RAG1: variants seen among roughly 807,000 people sequenced by gnomAD.
RAG1 encodes recombination activating 1.
Under a neutral mutation model 62.7 loss-of-function variants are expected in RAG1, and 35 were observed. That is an observed-to-expected ratio of 0.56 (90% CI 0.43 to 0.74). The LOEUF is 0.74. RAG1 is among the 30% of genes least tolerant of loss of function. The pLI is 0.00. For synonymous variants in RAG1, 461 were observed against 470.3 expected, an observed-to-expected ratio of 0.98 and a Z score of 0.26; for missense variants, 1,169 against 1,278.6, an observed-to-expected ratio of 0.91 and a Z score of 1.31.
intron 1 of RAG1, among the ~76,000 whole-genome samples, chr11:36,571,687 C>A (rs1850747731): frequency 6.6e-6 from 1 of 152,014 alleles, no homozygotes; most frequent in Admixed American, 6.6e-5. Context: ...TGATCTTGGC[C>A]CACTGCAATC....
At chr11:36,569,937 C>T (rs1434120259) in intron 1 of RAG1, among the ~76,000 whole-genome samples, 1 of 152,150 alleles carries the variant, frequency 6.6e-6, no homozygotes, top group Non-Finnish European at 1.5e-5. Flanking sequence ...AGCATCTTTC[C>T]ATGTCACTGA....
chr11:36,548,753 A>C (rs961010504), intron 3 of RAG1, among the ~76,000 whole-genome samples: 1 of 152,208 alleles, frequency 6.6e-6, no homozygotes, highest in African/African-American at 2.4e-5. Flanking sequence ...GACTTTCTTC[A>C]CAGAATTGGA....
At chr11:36,520,601 A>G (rs115959617) in intron 2 of RAG1, among the ~76,000 whole-genome samples, 2 of 152,192 alleles carry the variant, frequency 1.3e-5, no homozygotes, top group Non-Finnish European at 2.9e-5. Flanking sequence ...AAATGTAGTG[A>G]TAACATATAT....
intron 2 of RAG1, among the ~76,000 whole-genome samples, chr11:36,529,492 C>T (rs1164915229): frequency 6.6e-6 from 1 of 152,160 alleles, no homozygotes; most frequent in Non-Finnish European, 1.5e-5. Flanking sequence ...TGGAACGTAT[C>T]TCAAAATAAT....
chr11:36,526,034 T>G (rs1180223398), intron 2 of RAG1, among the ~76,000 whole-genome samples: 1 of 152,190 alleles, frequency 6.6e-6, no homozygotes, highest in East Asian at 1.9e-4. Context: ...CTTGCATCCT[T>G]GAGATAAATG....
At chr11:36,536,781 C>T (rs549783082), downstream of RAG1, among the ~76,000 whole-genome samples, 786 of 151,100 alleles carry the variant, frequency 5.2e-3, 9 homozygotes, top group African/African-American at 0.018. Flanking sequence ...TTTTTTGAGA[C>T]GGAGTCTTGC....
At position 36,575,828 on chromosome 11, in the gene RAG1, A is replaced by G. The variant is rs1247320919; in HGVS notation, c.2524A>G (p.Lys842Glu). The G allele has an allele frequency of 9.3e-6, 15 of 1,614,224 alleles. No homozygotes were observed. The highest frequency in any genetic ancestry group is 1.3e-5 in the Non-Finnish European group (15 of 1,180,024). The change falls in exon 2 of 2, where the codon AAG becomes GAG. Residue 842 changes from lysine (K) to glutamate (E), a missense_variant. Physicochemically the swap from Lys to Glu is moderately conservative, Grantham distance 56. Transcript: ENST00000299440. This position sits in a 1 kb window ranked among gnomAD's most constrained non-coding sequence, Gnocchi z 4.1. The stretch of plus-strand genomic sequence containing the variant: ...GGCCACACTGGACAAGCATCTCCGG[A>G]AGAAGATGAACCTCAAACCAATCAT... The part of the protein sequence containing the change: ...WQATLDKHLR[K>E]KMNLKPIMRM...
At chr11:36,563,712 A>ATAATT (rs1850622714), upstream of RAG1, among the ~76,000 whole-genome samples, 1 of 152,218 alleles carries the variant, frequency 6.6e-6, no homozygotes, top group African/African-American at 2.4e-5. Context: ...TAGTTTAAAC[A>ATAATT]TAATTAAATT....
intron 2 of RAG1, among the ~76,000 whole-genome samples, chr11:36,521,148 G>A (rs369445317): frequency 9.2e-5 from 14 of 151,796 alleles, no homozygotes; most frequent in Admixed American, 5.2e-4. Flanking sequence ...TGGTAGAGAC[G>A]GGGTTTCTCC....
At chr11:36,569,372 C>A (rs981327688) in intron 1 of RAG1, among the ~76,000 whole-genome samples, 1 of 152,212 alleles carries the variant, frequency 6.6e-6, no homozygotes, top group Admixed American at 6.5e-5. Flanking sequence ...GGCTGGTCTA[C>A]TGCTGAGACC....
chr11:36,528,563 C>T (rs1860202615), intron 2 of RAG1, among the ~76,000 whole-genome samples: 1 of 151,928 alleles, frequency 6.6e-6, no homozygotes, highest in South Asian at 2.1e-4. Flanking sequence ...AATCAACACC[C>T]TAACATAATC....
chr11:36,537,842 C>T (rs774226993), downstream of RAG1, among the ~76,000 whole-genome samples: 3 of 152,186 alleles, frequency 2.0e-5, no homozygotes, highest in Non-Finnish European at 4.4e-5. Context: ...CACCATTTCA[C>T]TTATCCTATA....
In RAG1 at chr11:36,573,795, A is replaced by C; in HGVS notation, c.491A>C (p.Lys164Thr). Residue 164 changes from lysine to threonine, a missense_variant, in exon 2 of 2, where the codon AAG becomes ACG. Physicochemically the swap from Lys to Thr is moderately conservative, Grantham distance 78 (BLOSUM62 -1). Around this residue, in one of 2 missense-constraint regions of RAG1, gnomAD observed 369 missense variants for 335.3 expected, o/e 1.10. Transcript: ENST00000299440. Reference protein sequence around the residue: ...LIAKVFRIDVKADVDSIHPTE... With the variant: ...LIAKVFRIDVTADVDSIHPTE... ...GCCAAGGTTTTCCGGATCGATGTGAAGGCAGATGTTGACTCGATCCACCCC... is the reference window on the plus strand; with the variant it reads ...GCCAAGGTTTTCCGGATCGATGTGACGGCAGATGTTGACTCGATCCACCCC... The C allele has an allele frequency of 6.2e-7, 1 of 1,614,112 alleles. No individual in the cohort carries two copies. The highest frequency in any genetic ancestry group is 8.5e-7 in the Non-Finnish European group (1 of 1,180,018).
chr11:36,536,681 A>G (rs1860333093), downstream of RAG1, among the ~76,000 whole-genome samples: 1 of 151,424 alleles, frequency 6.6e-6, no homozygotes, highest in Non-Finnish European at 1.5e-5. Context: ...GGATATATAA[A>G]GTAAATAAAA....
At chr11:36,570,899 C>T (rs1237983892) in intron 1 of RAG1, among the ~76,000 whole-genome samples, 4 of 152,170 alleles carry the variant, frequency 2.6e-5, no homozygotes, top group African/African-American at 9.7e-5. Flanking sequence ...GTTGTTTGAG[C>T]TCCTTGTATA....
chr11:36,545,544 A>G lies in RAG1; in HGVS notation c.-412+9510A>G, dbSNP rs1328835721. Among the ~76,000 whole-genome samples the G allele has an allele frequency of 2.0e-5, 3 of 152,276 alleles. No individual in the cohort carries two copies. In the East Asian group the frequency reaches 5.8e-4, roughly 29 times the overall value. On this transcript the variant is annotated intron_variant and NMD_transcript_variant, in intron 3 of 9. Coordinates refer to the RAG1 transcript ENST00000534663. ...AACTGTGAGAAAATAAATTTCTGTT[A>G]TTTAGGCCACCCAGACTGTGATATT...
At chr11:36,521,979 G>A (rs1860087025) in intron 2 of RAG1, among the ~76,000 whole-genome samples, 1 of 152,112 alleles carries the variant, frequency 6.6e-6, no homozygotes, top group South Asian at 2.1e-4. Flanking sequence ...CATTCAAGAG[G>A]TGGCTTGGGT....
chr11:36,540,270 C>T (rs570932668), downstream of RAG1, among the ~76,000 whole-genome samples: 1 of 152,184 alleles, frequency 6.6e-6, no homozygotes, highest in African/African-American at 2.4e-5. Flanking sequence ...GTTTCTGAGA[C>T]AACCTGCTAC....
At chr11:36,534,806 G>A (rs1378999125) in intron 2 of RAG1, among the ~76,000 whole-genome samples, 2 of 151,776 alleles carry the variant, frequency 1.3e-5, no homozygotes, top group African/African-American at 4.8e-5. Context: ...TCAGTTGTAT[G>A]CCTATTTCAT....
Sources: gnomAD v4.1 joint callset for allele counts (sites outside exome capture counted in the v4.1 genomes callset) on GRCh38, gnomAD v4.1.1 for gene constraint, gnomAD v4.1.1 regional missense constraint, Gnocchi (gnomAD v3.1) non-coding constraint, MANE v1.5 for transcripts, NCBI Gene and HGNC (gene_info 2026-07-23, HGNC 2026-07-21) for gene names.